The following DOCK10 variants were observed in gnomAD, a reference collection of about 807,000 sequenced individuals.
The protein encoded by DOCK10 is dedicator of cytokinesis 10, also known as dedicator of cytokinesis protein 10.
In DOCK10, 145 loss-of-function variants were observed where a neutral mutation model predicts 280.1. The observed-to-expected ratio is 0.52, with a 90% CI of 0.45 to 0.59. The LOEUF is 0.59. Among genes scored for constraint, DOCK10 ranks in the 20% least tolerant of loss-of-function variants. DOCK10 has a pLI of 0.00. For synonymous variants in DOCK10, 915 were observed against 942.2 expected, an observed-to-expected ratio of 0.97 and a Z score of 0.53; for missense variants, 2,368 against 2,651.7, an observed-to-expected ratio of 0.89 and a Z score of 2.35.
At chr2:224,908,058 G>GTGTA (rs1700767189) in intron 3 of DOCK10, among the ~76,000 whole-genome samples, 1 of 152,074 alleles carries the variant, frequency 6.6e-6, no homozygotes. Context: ...GTGTGTGTGT[G>GTGTA]TGTATGTTTC....
At chr2:224,778,447 G>A (rs1483475283) in intron 50 of DOCK10, 163 bp from the exon 51 acceptor site, 1 of 714,118 alleles carries the variant, frequency 1.4e-6, no homozygotes, top group Non-Finnish European at 2.5e-6. Flanking sequence ...AAAACACAGT[G>A]AGAAAATAAA....
intron 53 of DOCK10, among the ~76,000 whole-genome samples, chr2:224,772,598 G>A (rs1056284319): frequency 1.3e-5 from 2 of 152,150 alleles, no homozygotes; most frequent in African/African-American, 2.4e-5. Context: ...TGGTCACACC[G>A]CCTGAGTGCT....
chr2:225,006,514 A>G (rs1237721759), intron 1 of DOCK10, among the ~76,000 whole-genome samples: 1 of 152,164 alleles, frequency 6.6e-6, no homozygotes, highest in African/African-American at 2.4e-5. Context: ...CAATGCTTCC[A>G]ATCAAAATCC....
chr2:224,844,831 C>T lies in DOCK10; in HGVS notation c.2490G>A (p.Gly830=), dbSNP rs979907836. 32 of 1,605,944 alleles carry T rather than the reference C, an allele frequency of 2.0e-5. No individual in the cohort carries two copies. The highest frequency in any genetic ancestry group is 2.6e-5 in the Non-Finnish European group (30 of 1,175,574). The change falls in exon 22 of 56, where the codon GGG becomes GGA. Residue 830 remains glycine, a synonymous_variant. Transcript: ENST00000258390. ...CACCATCAACCCATTTAATGTCACT[C>T]CCACCATGCTGCAAAATAAAGTTTG... The part of the protein sequence containing the change: ...FQDSASGKHG[G]SDIKWVDGGK...
chr2:224,891,350 C>A (rs1375467635), intron 4 of DOCK10, among the ~76,000 whole-genome samples: 1 of 152,004 alleles, frequency 6.6e-6, no homozygotes, highest in East Asian at 1.9e-4. Flanking sequence ...AAAAATTGTA[C>A]AACAGATACA....
In DOCK10 at chr2:224,970,046, C is replaced by T. The variant is rs1056944547; in HGVS notation, c.124-38378G>A. On this transcript the variant is annotated intron_variant, in intron 1 of 55. Coordinates refer to ENST00000258390, the MANE Select transcript of DOCK10 (RefSeq NM_014689.3). The surrounding 1 kb of genome is among the most constrained non-coding windows in gnomAD (Gnocchi z 4.6). The stretch of plus-strand genomic sequence containing the variant: ...GGGTTCACTGGCTTTTTCACTGAGT[C>T]GTCTTTTTGAGCAACTCTGTTCACC... Among the ~76,000 whole-genome samples the T allele has an allele frequency of 6.6e-6, 1 of 152,118 alleles. No individual in the cohort carries two copies. The highest frequency in any genetic ancestry group is 1.5e-5 in the Non-Finnish European group (1 of 68,018).
chr2:224,970,359 A>G lies in DOCK10; in HGVS notation c.124-38691T>C, dbSNP rs1705012934. On this transcript the variant is annotated intron_variant, in intron 1 of 55. Transcript: ENST00000258390. This position sits in a 1 kb window ranked among gnomAD's most constrained non-coding sequence, Gnocchi z 4.6. Reference sequence around the variant, plus strand: ...AACAGCTTTGTGAGGAATCCCCACCATGCTGCAAATAAGGACACTGAGGCT... The same window carrying G: ...AACAGCTTTGTGAGGAATCCCCACCGTGCTGCAAATAAGGACACTGAGGCT... 1.3e-5 allele frequency among the ~76,000 whole-genome samples: 2 copies of G among 152,162 alleles called. No homozygotes were observed.
chr2:224,924,193 C>T (rs981580896), intron 2 of DOCK10, among the ~76,000 whole-genome samples: 8 of 152,146 alleles, frequency 5.3e-5, no homozygotes, highest in Admixed American at 5.2e-4. Flanking sequence ...AAAAAACCAT[C>T]TAATTGAGAT....
At chr2:224,855,271 G>A (rs886174630) in intron 15 of DOCK10, among the ~76,000 whole-genome samples, 1 of 152,114 alleles carries the variant, frequency 6.6e-6, no homozygotes, top group Non-Finnish European at 1.5e-5. Flanking sequence ...TCAGGGAGGG[G>A]TCAAGTGACA....
chr2:224,919,281 ATGTC>A (rs918959591), intron 2 of DOCK10, among the ~76,000 whole-genome samples: 6 of 143,090 alleles, frequency 4.2e-5, no homozygotes, highest in African/African-American at 1.3e-4. Context: ...CTGCATGTGT[ATGTC>A]TGTACACATG....
rs527720131 is a variant in DOCK10 at position 225,003,475 on chromosome 2, C to A, written c.123+38777G>T. Among the ~76,000 whole-genome samples the A allele has an allele frequency of 1.6e-4, 24 of 152,244 alleles. 2 individuals are homozygous for A. In the South Asian group the frequency reaches 4.8e-3, roughly 30 times the overall value. ...CTTGGGAGTAGAATTCTCCTTAGAA[C>A]CGTGGCTGATGCAACTCGAATCAGA... On this transcript the variant is annotated intron_variant, in intron 1 of 55. Transcript: ENST00000258390.
intron 1 of DOCK10, among the ~76,000 whole-genome samples, chr2:224,960,730 CTTTTTTTTTTTTT>C (rs71281764): frequency 3.4e-4 from 24 of 70,254 alleles, no homozygotes; most frequent in Non-Finnish European, 5.3e-4. Context: ...TCACCAAATT[CTTTTTTTTTTTTT>C]TTTTTTTTTT....
intron 25 of DOCK10, among the ~76,000 whole-genome samples, chr2:224,837,334 TA>T (rs1411801780): frequency 2.0e-5 from 3 of 152,148 alleles, no homozygotes; most frequent in African/African-American, 7.2e-5. Flanking sequence ...AAATATACAG[TA>T]ACTGGGAAAA....
rs1459983206 is a variant in DOCK10 at position 224,765,290 on chromosome 2, C to T, written c.*431G>A. On this transcript the variant is annotated 3_prime_UTR_variant, in exon 56 of 56. Transcript: ENST00000258390. ...AAATGTTATTCATATATTTTTAGTA[C>T]TGTCATAGTATTAACTAAAAAGGAT... The T allele has an allele frequency of 6.5e-6, 1 of 153,312 alleles. No individual in the cohort carries two copies. The highest frequency in any genetic ancestry group is 1.5e-5 in the Non-Finnish European group (1 of 68,536). The allele number at this position is 153,312 out of a possible 1,614,324, so 9.5% of individuals were successfully genotyped here.
chr2:224,768,798 T>C (rs1400300537), intron 55 of DOCK10: 1 of 421,828 alleles, frequency 2.4e-6, no homozygotes, highest in Non-Finnish European at 4.7e-6. Context: ...CTAGAGAGAC[T>C]GAATGGCTAG....
chr2:224,938,947 C>G (rs1702857103), intron 1 of DOCK10, among the ~76,000 whole-genome samples: 1 of 152,174 alleles, frequency 6.6e-6, no homozygotes. Flanking sequence ...TACACTAACC[C>G]TTTAACCTTC....
At chr2:224,952,588 T>C (rs369847676) in intron 1 of DOCK10, among the ~76,000 whole-genome samples, 1 of 130,786 alleles carries the variant, frequency 7.6e-6, no homozygotes, top group Non-Finnish European at 1.6e-5. Flanking sequence ...TGCTCAATTA[T>C]GTTATTTTTT....
chr2:224,968,602 T>C (rs548085638), intron 1 of DOCK10, among the ~76,000 whole-genome samples: 1 of 152,332 alleles, frequency 6.6e-6, no homozygotes, highest in Admixed American at 6.5e-5. Flanking sequence ...AATTTATGAA[T>C]TCTATAACAA....
chr2:224,840,118 C>G lies in DOCK10; in HGVS notation c.2662-46G>C, dbSNP rs372956918. ...AAAAGGATACCAATTAAATTTGAAG[C>G]ATGTCCTACATTCAAGACCTGAAAC... is the stretch of plus-strand genomic sequence containing the variant. On this transcript the variant is annotated intron_variant, in intron 23 of 55. Coordinates refer to ENST00000258390, the MANE Select transcript of DOCK10 (RefSeq NM_014689.3). 4 of 884,852 alleles carry G rather than the reference C, an allele frequency of 4.5e-6. No homozygotes were observed. The East Asian group carries it at 1.1e-4, about 24-fold the overall frequency. 54.8% of individuals were successfully genotyped at this position (884,852 alleles called of 1,614,324 possible).
Sources: gnomAD v4.1 joint callset for allele counts (sites outside exome capture counted in the v4.1 genomes callset) on GRCh38, gnomAD v4.1.1 for gene constraint, Gnocchi (gnomAD v3.1) non-coding constraint, MANE v1.5 for transcripts, NCBI Gene and HGNC (gene_info 2026-07-23, HGNC 2026-07-21) for gene names.